UGCG: variants seen among roughly 807,000 people sequenced by gnomAD.
UGCG encodes the protein UDP-glucose ceramide glucosyltransferase.
A neutral mutation model predicts 49.5 loss-of-function variants in UGCG; 10 were observed. That is an observed-to-expected ratio of 0.20 (90% CI 0.12 to 0.34). The LOEUF (loss-of-function observed/expected upper bound fraction) is 0.34. Among genes scored for constraint, UGCG ranks in the 10% least tolerant of loss-of-function variants. UGCG has a pLI of 1.00. For synonymous variants in UGCG, 182 were observed against 158.2 expected (o/e 1.15, Z -1.13); for missense variants, 312 against 483.7 (o/e 0.65, Z 3.33).
At chr9:111,906,448 T>C (rs1837884734) in intron 1 of UGCG, among the ~76,000 whole-genome samples, 1 of 152,138 alleles carries the variant, frequency 6.6e-6, no homozygotes, top group South Asian at 2.1e-4. Context: ...TTGTTTTGTT[T>C]TGAGACAGTC....
chr9:111,918,276 A>T (rs891331834), intron 2 of UGCG, among the ~76,000 whole-genome samples: 1 of 152,132 alleles, frequency 6.6e-6, no homozygotes, highest in Non-Finnish European at 1.5e-5. Flanking sequence ...TCCTGACCTC[A>T]GTTGATTCCC....
intron 5 of UGCG, among the ~76,000 whole-genome samples, chr9:111,928,026 T>A (rs1330345094): frequency 6.7e-6 from 1 of 148,938 alleles, no homozygotes; most frequent in African/African-American, 2.5e-5. Flanking sequence ...GGAGGAAAAA[T>A]TTGTTGTAAT....
chr9:111,899,920 G>A (rs1837736776), intron 1 of UGCG, among the ~76,000 whole-genome samples: 1 of 151,936 alleles, frequency 6.6e-6, no homozygotes, highest in South Asian at 2.1e-4. Flanking sequence ...CTTTATACTT[G>A]GGTATGTTTC....
chr9:111,906,619 G>A (rs1481800681), intron 1 of UGCG, among the ~76,000 whole-genome samples: 7 of 151,720 alleles, frequency 4.6e-5, no homozygotes, highest in Admixed American at 6.6e-5. Context: ...TAGTAGAGAC[G>A]GGGTTTCACC....
intron 4 of UGCG, 46 bp from the exon 5 acceptor site, chr9:111,926,338 A>T (rs1564204730): frequency 7.1e-7 from 1 of 1,403,100 alleles, no homozygotes; most frequent in Non-Finnish European, 9.8e-7. Context: ...TCTACTAAAA[A>T]CAAATTTTCT....
intron 5 of UGCG, among the ~76,000 whole-genome samples, chr9:111,927,418 A>C (rs1359974534): frequency 6.6e-6 from 1 of 152,010 alleles, no homozygotes; most frequent in Admixed American, 6.5e-5. Flanking sequence ...GAACCCTAAC[A>C]ATTACAGGAA....
At chr9:111,907,629 T>TTTC (rs2131718552) in intron 1 of UGCG, among the ~76,000 whole-genome samples, 1 of 48,342 alleles carries the variant, frequency 2.1e-5, no homozygotes, top group East Asian at 9.6e-4. Flanking sequence ...ATTTTCTTTC[T>TTTC]TTTTTTTTTT....
At chr9:111,914,877 T>C (rs972733420) in intron 2 of UGCG, 131 bp downstream of exon 2, 1 of 1,323,098 alleles carries the variant, frequency 7.6e-7, no homozygotes, top group Non-Finnish European at 1.0e-6. Flanking sequence ...CCTCATAAAA[T>C]ATAACCTTTA....
At position 111,924,845 on chromosome 9, in the gene UGCG, G is replaced by T; in HGVS notation, c.412G>T (p.Asp138Tyr). 1 of 1,533,446 alleles carries T rather than the reference G, an allele frequency of 6.5e-7. No individual in the cohort carries two copies. Among genetic ancestry groups the T allele is most frequent in the South Asian group, 1.4e-5 (1 of 72,342 alleles). 95.0% of individuals were successfully genotyped at this position (1,533,446 alleles called of 1,614,324 possible). Residue 138 changes from aspartate (D) to tyrosine (Y), a missense_variant, in exon 4 of 9, where the codon GAT becomes TAT. Asp to Tyr is a radical substitution (Grantham distance 160). Coordinates refer to ENST00000374279, the MANE Select transcript of UGCG (RefSeq NM_003358.3). ...LMPGYEVAKY[D>Y]LIWICDSGIR... ...GCCAGGATATGAAGTTGCAAAGTAT[G>T]ATCTTATATGGATTTGTGATAGTGG... is the stretch of plus-strand genomic sequence containing the variant.
At chr9:111,915,691 G>A (rs1212369079) in intron 2 of UGCG, 1 of 739,114 alleles carries the variant, frequency 1.4e-6, no homozygotes, top group African/African-American at 1.9e-5. Flanking sequence ...ATAATCAGAA[G>A]GAAGATGATA....
intron 1 of UGCG, among the ~76,000 whole-genome samples, chr9:111,902,720 A>G (rs2131713974): frequency 6.6e-6 from 1 of 152,332 alleles, no homozygotes; most frequent in Non-Finnish European, 1.5e-5. Flanking sequence ...TTGTTAAGCA[A>G]GGTGAACTTT....
intron 7 of UGCG, 100 bp downstream of exon 7, chr9:111,931,457 G>T: frequency 9.0e-7 from 1 of 1,105,332 alleles, no homozygotes; most frequent in Non-Finnish European, 1.3e-6. Context: ...TGTACCTAAA[G>T]GTTGAAGATT....
intron 6 of UGCG, 72 bp from the exon 7 acceptor site, chr9:111,931,199 C>A: frequency 7.0e-7 from 1 of 1,438,014 alleles, no homozygotes; most frequent in Non-Finnish European, 9.6e-7. Flanking sequence ...ATAATGATTA[C>A]TGAATGCATA....
chr9:111,926,132 C>T (rs1277340743), intron 4 of UGCG, among the ~76,000 whole-genome samples: 1 of 152,106 alleles, frequency 6.6e-6, no homozygotes, highest in Non-Finnish European at 1.5e-5. Context: ...GTATATTCTG[C>T]CTCTGGTACA....
At chr9:111,907,451 G>A (rs1040200736) in intron 1 of UGCG, among the ~76,000 whole-genome samples, 8 of 152,176 alleles carry the variant, frequency 5.3e-5, no homozygotes, top group Non-Finnish European at 1.2e-4. Context: ...CTGCTAATTT[G>A]AATCCCGGTG....
At chr9:111,932,727 A>G (rs117043774) in intron 8 of UGCG, 100 bp from the exon 9 acceptor site, 6 of 1,136,058 alleles carry the variant, frequency 5.3e-6, no homozygotes, top group Non-Finnish European at 7.5e-6. Context: ...TTGATTTTAC[A>G]TAGTATACTT....
rs1400501922 is a variant in UGCG at position 111,897,060 on chromosome 9, G to T, written c.-156G>T. 2 of 230,362 alleles carry T rather than the reference G, an allele frequency of 8.7e-6. No individual in the cohort carries two copies. The highest frequency in any genetic ancestry group is 3.9e-5 in the South Asian group (1 of 25,572). 14.3% of individuals were successfully genotyped at this position (230,362 alleles called of 1,614,324 possible). On this transcript the variant is annotated 5_prime_UTR_variant, in exon 1 of 9. Coordinates refer to ENST00000374279, the MANE Select transcript of UGCG (RefSeq NM_003358.3). ...GGGCGGGGGCGCGCAGGCCCTGCCC[G>T]CCCCTTCCGTCCCCACCCCCCTCCG...
At chr9:111,923,014 C>T in intron 3 of UGCG, 63 bp downstream of exon 3, 1 of 1,081,558 alleles carries the variant, frequency 9.2e-7, no homozygotes, top group Non-Finnish European at 1.4e-6. Flanking sequence ...GTAATCTCTG[C>T]ATTGAACTGA....
chr9:111,899,102 A>T (rs968384901), intron 1 of UGCG, among the ~76,000 whole-genome samples: 1 of 152,102 alleles, frequency 6.6e-6, no homozygotes, highest in Admixed American at 6.5e-5. Context: ...AGATTTATTT[A>T]TTATTACTGA....
Sources: allele counts gnomAD v4.1 joint callset (sites outside exome capture counted in the v4.1 genomes callset), GRCh38; gene constraint gnomAD v4.1.1; transcripts MANE v1.5; gene names NCBI Gene and HGNC (gene_info 2026-07-23, HGNC 2026-07-21).